Variants in PAQR8 observed in about 807,000 individuals in gnomAD.
PAQR8 encodes the protein membrane progestin receptor beta.
Under a neutral mutation model 25.2 loss-of-function variants are expected in PAQR8, and 17 were observed. The observed-to-expected ratio is 0.67, with a 90% CI of 0.46 to 1.01. PAQR8 has a LOEUF of 1.01. Ranked by LOEUF, PAQR8 falls within the 50% of genes least tolerant of loss-of-function variation. PAQR8 has a pLI of 0.00. For synonymous variants in PAQR8, 204 were observed against 190.6 expected (o/e 1.07, Z -0.58); for missense variants, 392 against 448.4 (o/e 0.87, Z 1.14).
At chr6:52,387,813 G>C (rs905419990) in intron 1 of PAQR8, among the ~76,000 whole-genome samples, 2 of 152,206 alleles carry the variant, frequency 1.3e-5, no homozygotes, top group South Asian at 4.1e-4. Context: ...ATTTACAGCC[G>C]CTCTGCTTTG....
intron 1 of PAQR8, among the ~76,000 whole-genome samples, chr6:52,383,991 A>AC (rs1763598832): frequency 1.3e-5 from 2 of 152,174 alleles, no homozygotes; most frequent in Admixed American, 6.5e-5. Context: ...TGTAACTGGA[A>AC]CAGGGTATGG....
At chr6:52,379,120 G>GAAAAAAAAAAAAAAAAAAAAAAAAAAA (rs1763521885) in intron 1 of PAQR8, among the ~76,000 whole-genome samples, 1 of 130,818 alleles carries the variant, frequency 7.6e-6, no homozygotes, top group African/African-American at 2.8e-5. Flanking sequence ...AAAAAAAAAG[G>GAAAAAAAAAAAAAAAAAAAAAAAAAAA]AAATTCTGGC....
At chr6:52,365,046 C>T (rs1400127785) in intron 1 of PAQR8, among the ~76,000 whole-genome samples, 1 of 151,906 alleles carries the variant, frequency 6.6e-6, no homozygotes, top group Non-Finnish European at 1.5e-5. Flanking sequence ...CTTTCTTTGC[C>T]CCTCCTGATA....
intron 1 of PAQR8, among the ~76,000 whole-genome samples, chr6:52,386,873 A>G (rs573120887): frequency 4.6e-5 from 7 of 152,362 alleles, no homozygotes; most frequent in African/African-American, 1.7e-4. Flanking sequence ...AACAATCACA[A>G]CCTTTGTAGA....
At chr6:52,380,224 GA>G (rs1483459247) in intron 1 of PAQR8, among the ~76,000 whole-genome samples, 1 of 152,224 alleles carries the variant, frequency 6.6e-6, no homozygotes, top group Admixed American at 6.5e-5. Flanking sequence ...AAGCCTCCTT[GA>G]AGAGGTGAGA....
At chr6:52,367,827 T>C (rs1467462062) in intron 1 of PAQR8, among the ~76,000 whole-genome samples, 1 of 152,206 alleles carries the variant, frequency 6.6e-6, no homozygotes, top group African/African-American at 2.4e-5. Context: ...ATTGAACTTA[T>C]TATCTCCCAG....
At chr6:52,395,791 A>G (rs1763760885) in intron 1 of PAQR8, among the ~76,000 whole-genome samples, 1 of 152,086 alleles carries the variant, frequency 6.6e-6, no homozygotes, top group African/African-American at 2.4e-5. Context: ...GTTATTATTC[A>G]TTCTGTTTTC....
intron 1 of PAQR8, among the ~76,000 whole-genome samples, chr6:52,384,069 T>C (rs1215699731): frequency 6.6e-6 from 1 of 152,112 alleles, no homozygotes; most frequent in Non-Finnish European, 1.5e-5. Context: ...ATACAGATAA[T>C]ATGGATTTGA....
chr6:52,400,198 G>A (rs1251775783), intron 1 of PAQR8, among the ~76,000 whole-genome samples: 1 of 152,038 alleles, frequency 6.6e-6, no homozygotes, highest in African/African-American at 2.4e-5. Context: ...CTGTCTGATG[G>A]GTGCTGGCTA....
chr6:52,403,693 G>A lies in PAQR8; in HGVS notation c.480G>A (p.Leu160=), dbSNP rs74405742. Residue 160 remains leucine, a synonymous_variant, in exon 2 of 2, where the codon TTG becomes TTA. Coordinates refer to ENST00000442253, the MANE Select transcript of PAQR8 (RefSeq NM_133367.5). The part of the protein sequence containing the change: ...GVSVYQYGSA[L]AHFFYSSDQA... ...GCGTTTACCAATATGGCAGTGCTTT[G>A]GCTCATTTCTTCTACAGCTCTGACC... The A allele has an allele frequency of 3.7e-6, 6 of 1,614,122 alleles. No individual in the cohort carries two copies. Among genetic ancestry groups the A allele is most frequent in the Admixed American group, 3.3e-5 (2 of 60,016 alleles).
rs764642694 is a variant in PAQR8, at chr6:52,403,333, G to A, written c.120G>A (p.Thr40=). 6.2e-6 allele frequency: 10 copies of A among 1,614,128 alleles called. No homozygotes were observed. Among genetic ancestry groups the A allele is most frequent in the South Asian group, 2.2e-5 (2 of 91,094 alleles). Residue 40 remains threonine, a synonymous_variant, in exon 2 of 2, where the codon ACG becomes ACA. Coordinates refer to ENST00000442253, the MANE Select transcript of PAQR8 (RefSeq NM_133367.5). ...AGATGCCTTGCACTGTCCCAGAAAC[G>A]GATGTGCCCCAGCTCTTCCGGGAGC... The part of the protein sequence containing the change: ...LPKMPCTVPE[T]DVPQLFREPY...
In PAQR8 at chr6:52,392,216, C is replaced by T. The variant is rs187833575; in HGVS notation, c.-52-10946C>T. 6.6e-5 allele frequency among the ~76,000 whole-genome samples: 10 copies of T among 152,140 alleles called. No individual in the cohort carries two copies. In the South Asian group the frequency reaches 8.3e-4, roughly 13 times the overall value. On this transcript the variant is annotated intron_variant, in intron 1 of 1. Transcript: ENST00000442253. ...AAAACTAGCTGGGTGTGGCAGTGTG[C>T]GCCCTTAGTCCCAACTACTCGGGAG...
intron 1 of PAQR8, among the ~76,000 whole-genome samples, chr6:52,372,197 CT>C (rs1763427316): frequency 6.6e-6 from 1 of 152,188 alleles, no homozygotes. Flanking sequence ...AAATGCTTAG[CT>C]TTTGGCTGGA....
chr6:52,404,410 T>G lies in PAQR8; in HGVS notation c.*132T>G. 3 of 876,728 alleles carry G rather than the reference T, an allele frequency of 3.4e-6. No homozygotes were observed. Among genetic ancestry groups the G allele is most frequent in the Non-Finnish European group, 5.2e-6 (3 of 579,720 alleles). The allele number at this position is 876,728 out of a possible 1,614,324, so 54.3% of individuals were successfully genotyped here. A position where few individuals can be genotyped will look rare whatever the true frequency, so the allele number is the denominator to read the frequency against. ...ATCCAAGGATATGTTATAGCTGCAGTGTTTGAAAGCCAAAGGATTTAAGAG... is the reference window on the plus strand; with the variant it reads ...ATCCAAGGATATGTTATAGCTGCAGGGTTTGAAAGCCAAAGGATTTAAGAG... On this transcript the variant is annotated 3_prime_UTR_variant, in exon 2 of 2. Transcript: ENST00000442253.
At chr6:52,378,742 G>C (rs1468418307) in intron 1 of PAQR8, among the ~76,000 whole-genome samples, 1 of 151,460 alleles carries the variant, frequency 6.6e-6, no homozygotes, top group Admixed American at 6.6e-5. Flanking sequence ...AGTGAGCTGA[G>C]ATTGGGCCTC....
chr6:52,391,090 A>T (rs192131927), intron 1 of PAQR8, among the ~76,000 whole-genome samples: 1 of 152,244 alleles, frequency 6.6e-6, no homozygotes, highest in Admixed American at 6.5e-5. Flanking sequence ...GCACTTCCAT[A>T]CTTCATCTGT....
Position 52,380,314 on chromosome 6 carries a change from G to A in PAQR8, c.-53+18065G>A, listed in dbSNP as rs147746782. 9.2e-5 allele frequency among the ~76,000 whole-genome samples: 14 copies of A among 152,312 alleles called. No homozygotes were observed. The East Asian group carries it at 2.3e-3, about 25-fold the overall frequency. ...TGTCTAAATCTGCCAGGGTCCACCC[G>A]TGGTATGGCAATGCTCAGTCAATAA... On this transcript the variant is annotated intron_variant, in intron 1 of 1. Transcript: ENST00000442253.
rs146222436 is a variant in PAQR8, at chr6:52,403,579, C to T, written c.366C>T (p.Tyr122=). The change falls in exon 2 of 2, where the codon TAC becomes TAT. Residue 122 remains tyrosine, a synonymous_variant. Transcript: ENST00000442253. The stretch of plus-strand genomic sequence containing the variant: ...TCTTCATCCTGTCGTCAATCACTTA[C>T]CTCACCTGCAGCCTTCTGGCCCACC... ...LLLFILSSIT[Y]LTCSLLAHLL... 6.2e-7 allele frequency: 1 copy of T among 1,614,138 alleles called. No homozygotes were observed. Among genetic ancestry groups the T allele is most frequent in the Non-Finnish European group, 8.5e-7 (1 of 1,180,046 alleles).
intron 1 of PAQR8, among the ~76,000 whole-genome samples, chr6:52,365,206 G>T (rs1211374276): frequency 6.6e-6 from 1 of 152,012 alleles, no homozygotes; most frequent in African/African-American, 2.4e-5. Context: ...TTTTTGATGT[G>T]AAAGGATCCA....
Sources: allele counts gnomAD v4.1 joint callset (sites outside exome capture counted in the v4.1 genomes callset), GRCh38; gene constraint gnomAD v4.1.1; transcripts MANE v1.5; gene names NCBI Gene and HGNC (gene_info 2026-07-23, HGNC 2026-07-21).